SLC25A21: variants seen among roughly 807,000 people sequenced by gnomAD.
SLC25A21 encodes the protein mitochondrial 2-oxodicarboxylate carrier.
A neutral mutation model predicts 43.8 loss-of-function variants in SLC25A21; 47 were observed. The ratio of observed to expected loss-of-function variants is 1.07; its 90% CI spans 0.85 to 1.37. The LOEUF is 1.37. Ranked by LOEUF, SLC25A21 falls within the 40% of genes most tolerant of loss-of-function variation. SLC25A21 has a pLI of 0.00. For missense variants in SLC25A21, 352 were observed against 350.2 expected, an observed-to-expected ratio of 1.00 and a Z score of -0.04; for synonymous variants, 131 against 121.3, an observed-to-expected ratio of 1.08 and a Z score of -0.52.
chr14:36,864,501 T>C (rs1890157135), intron 2 of SLC25A21, among the ~76,000 whole-genome samples: 2 of 152,254 alleles, frequency 1.3e-5, no homozygotes, highest in Non-Finnish European at 2.9e-5. Flanking sequence ...TACGCAGTAC[T>C]TTCTTGCTTG....
chr14:36,714,101 T>A (rs1316984093), intron 6 of SLC25A21, among the ~76,000 whole-genome samples: 2 of 152,238 alleles, frequency 1.3e-5, no homozygotes, highest in Non-Finnish European at 2.9e-5. Flanking sequence ...AACAACTTAG[T>A]CCATTCTAAG....
intron 1 of SLC25A21, among the ~76,000 whole-genome samples, chr14:37,011,129 C>T (rs1477505236): frequency 2.0e-5 from 3 of 152,216 alleles, no homozygotes; most frequent in Admixed American, 6.5e-5. Context: ...TCAAGTGATC[C>T]GCCCACCTCA....
chr14:37,153,475 C>A (rs998802227), intron 1 of SLC25A21, among the ~76,000 whole-genome samples: 4 of 152,178 alleles, frequency 2.6e-5, no homozygotes, highest in Admixed American at 2.6e-4. Flanking sequence ...GAATGAGTTG[C>A]TGGTGGGACT....
Position 36,927,266 on chromosome 14 carries a change from G to A in SLC25A21, c.71-52262C>T, listed in dbSNP as rs570792627. 9.2e-4 allele frequency among the ~76,000 whole-genome samples: 140 copies of A among 152,240 alleles called. 1 individual carries two copies. Among genetic ancestry groups the A allele is most frequent in the African/African-American group, 3.3e-3 (139 of 41,542 alleles). ...CAAGAACCCTAAATGTATATTCCCA[G>A]GAGGTAATGCTACTGACAATGAAAA... On this transcript the variant is annotated intron_variant, in intron 1 of 9. Coordinates refer to ENST00000331299, the MANE Select transcript of SLC25A21 (RefSeq NM_030631.4).
intron 2 of SLC25A21, chr14:36,870,343 T>C (rs746733112): frequency 5.9e-5 from 9 of 152,240 alleles, no homozygotes; most frequent in African/African-American, 9.6e-5. Context: ...AATCAAGGTG[T>C]CATCAGTGTT....
rs528523324 is a variant in SLC25A21, at chr14:36,986,428, T to G, written c.71-111424A>C. 5.9e-5 allele frequency among the ~76,000 whole-genome samples: 9 copies of G among 152,270 alleles called. No individual in the cohort carries two copies. In the South Asian group the frequency reaches 1.9e-3, roughly 32 times the overall value. ...CTATTGGACCTCCACTCCACTTGAC[T>G]GCTTAAGTGACCCTCATAAATTCAT... On this transcript the variant is annotated intron_variant, in intron 1 of 9. Transcript: ENST00000331299.
chr14:36,815,477 G>GC (rs1396834049), intron 2 of SLC25A21, among the ~76,000 whole-genome samples: 9 of 152,130 alleles, frequency 5.9e-5, no homozygotes, highest in African/African-American at 1.4e-4. Context: ...GTTTACTATC[G>GC]CTACTCGGTG....
At chr14:37,128,556 G>C (rs1247979219) in intron 1 of SLC25A21, among the ~76,000 whole-genome samples, 5 of 150,836 alleles carry the variant, frequency 3.3e-5, no homozygotes, top group Non-Finnish European at 7.4e-5. Flanking sequence ...GTGTGTGTGT[G>C]TGTGTGTGTG....
intron 3 of SLC25A21, among the ~76,000 whole-genome samples, chr14:36,744,872 T>A (rs886301267): frequency 2.0e-5 from 3 of 151,452 alleles, no homozygotes; most frequent in Non-Finnish European, 2.9e-5. Context: ...TCTTTTTTTT[T>A]ATTATAGTTT....
chr14:37,120,088 CATA>C (rs2056290237), intron 1 of SLC25A21, among the ~76,000 whole-genome samples: 1 of 152,050 alleles, frequency 6.6e-6, no homozygotes, highest in South Asian at 2.1e-4. Flanking sequence ...ATAAAATAAT[CATA>C]ATATTTTTAT....
chr14:36,913,930 A>G (rs929617110), intron 1 of SLC25A21, among the ~76,000 whole-genome samples: 1 of 152,210 alleles, frequency 6.6e-6, no homozygotes, highest in African/African-American at 2.4e-5. Context: ...GAAATATTGG[A>G]CTGTTACAAT....
chr14:36,896,388 G>C (rs1891239907), intron 1 of SLC25A21, among the ~76,000 whole-genome samples: 1 of 151,978 alleles, frequency 6.6e-6, no homozygotes, highest in Non-Finnish European at 1.5e-5. Context: ...TTTTCCATTT[G>C]CTTGGTAGAT....
chr14:36,832,389 G>A lies in SLC25A21; in HGVS notation c.120-18388C>T, dbSNP rs184055790. 3.6e-3 allele frequency among the ~76,000 whole-genome samples: 549 copies of A among 152,132 alleles called. 4 individuals carry two copies. Among genetic ancestry groups the A allele is most frequent in the African/African-American group, 0.013 (533 of 41,512 alleles). On this transcript the variant is annotated intron_variant, in intron 2 of 9. Coordinates refer to ENST00000331299, the MANE Select transcript of SLC25A21 (RefSeq NM_030631.4). ...AGACAAAAACTGGAAAGTTTGGGTC[G>A]TATGGATCATGGCAGCACTGCAATG...
At chr14:36,764,748 A>G (rs1886347993) in intron 3 of SLC25A21, among the ~76,000 whole-genome samples, 1 of 152,130 alleles carries the variant, frequency 6.6e-6, no homozygotes, top group Admixed American at 6.5e-5. Context: ...GTACTCCATC[A>G]GCAGGGGAGG....
At chr14:37,132,737 T>TA (rs1963411855) in intron 1 of SLC25A21, among the ~76,000 whole-genome samples, 3 of 93,638 alleles carry the variant, frequency 3.2e-5, no homozygotes, top group South Asian at 4.3e-4. Flanking sequence ...ATAGCTATAT[T>TA]TTTTTTTTTT....
chr14:36,830,754 T>C (rs1489575205), intron 2 of SLC25A21, among the ~76,000 whole-genome samples: 1 of 152,078 alleles, frequency 6.6e-6, no homozygotes, highest in Non-Finnish European at 1.5e-5. Flanking sequence ...ACCCACATCA[T>C]CCCCTCCTCA....
At chr14:37,112,874 A>G (rs759284874) in intron 1 of SLC25A21, among the ~76,000 whole-genome samples, 10 of 152,088 alleles carry the variant, frequency 6.6e-5, no homozygotes, top group Non-Finnish European at 1.3e-4. Context: ...GAGTCACTGT[A>G]TTTTAGGGTG....
At chr14:37,064,819 T>C (rs1177945943) in intron 1 of SLC25A21, among the ~76,000 whole-genome samples, 1 of 151,834 alleles carries the variant, frequency 6.6e-6, no homozygotes, top group Non-Finnish European at 1.5e-5. Flanking sequence ...AGACAGACAC[T>C]GTAGTAAGCA....
intron 3 of SLC25A21, among the ~76,000 whole-genome samples, chr14:36,766,048 A>T: frequency 6.6e-6 from 1 of 151,446 alleles, no homozygotes; most frequent in East Asian, 1.9e-4. Context: ...TTTTGAGTGA[A>T]ATATCATTTT....
Sources: allele counts gnomAD v4.1 joint callset (sites outside exome capture counted in the v4.1 genomes callset), GRCh38; gene constraint gnomAD v4.1.1; transcripts MANE v1.5; gene names NCBI Gene and HGNC (gene_info 2026-07-23, HGNC 2026-07-21).